HADHA: variants seen among roughly 807,000 people sequenced by gnomAD.
HADHA encodes the protein hydroxyacyl-CoA dehydrogenase trifunctional multienzyme complex subunit alpha, also known as trifunctional enzyme subunit alpha, mitochondrial.
Under a neutral mutation model 91.3 loss-of-function variants are expected in HADHA, and 59 were observed. The ratio of observed to expected loss-of-function variants is 0.65; its 90% CI spans 0.52 to 0.80. HADHA has a LOEUF of 0.80. HADHA is among the 30% of genes least tolerant of loss of function. The pLI is 0.00. For synonymous variants in HADHA, 320 were observed against 338.9 expected, an observed-to-expected ratio of 0.94 and a Z score of 0.61; for missense variants, 800 against 927.6, an observed-to-expected ratio of 0.86 and a Z score of 1.79.
intron 10 of HADHA, 35 bp from the exon 11 acceptor site, chr2:26,209,924 T>C (rs1482998982): frequency 9.3e-7 from 1 of 1,075,342 alleles, no homozygotes; most frequent in Admixed American, 1.7e-5. Context: ...AAGGTAGAAC[T>C]TCACAGTCTA....
chr2:26,213,250 A>G (rs1315139127), intron 9 of HADHA, among the ~76,000 whole-genome samples: 3 of 152,092 alleles, frequency 2.0e-5, no homozygotes, highest in Non-Finnish European at 4.4e-5. Context: ...CTGCTTTCCT[A>G]TTTTTACTAT....
intron 13 of HADHA, 100 bp downstream of exon 13, chr2:26,201,049 A>G: frequency 1.1e-6 from 1 of 905,522 alleles, no homozygotes; most frequent in South Asian, 1.4e-5. Context: ...AGTCCTTTTT[A>G]TAAAAGCAAT....
intron 6 of HADHA, among the ~76,000 whole-genome samples, chr2:26,230,561 T>C (rs1670598862): frequency 6.6e-6 from 1 of 152,158 alleles, no homozygotes; most frequent in African/African-American, 2.4e-5. Flanking sequence ...GGTAAAGAAT[T>C]TCATGTTTCC....
chr2:26,201,036 AAT>A, intron 13 of HADHA, 111 bp downstream of exon 13: 1 of 836,032 alleles, frequency 1.2e-6, no homozygotes, highest in Middle Eastern at 2.2e-4. Flanking sequence ...CCAGCCTTTG[AAT>A]AGTCCTTTTT....
At chr2:26,222,144 G>A (rs1459113452) in intron 7 of HADHA, among the ~76,000 whole-genome samples, 1 of 151,938 alleles carries the variant, frequency 6.6e-6, no homozygotes, top group East Asian at 1.9e-4. Context: ...TAATCTGACT[G>A]GTATCCTTAT....
intron 4 of HADHA, among the ~76,000 whole-genome samples, chr2:26,236,341 G>A (rs1413091039): frequency 9.8e-6 from 1 of 102,508 alleles, no homozygotes; most frequent in African/African-American, 3.3e-5. Context: ...ATCACATGAT[G>A]TGTGTGTGTG....
chr2:26,220,569 T>G (rs1670351028), intron 7 of HADHA, among the ~76,000 whole-genome samples: 1 of 152,246 alleles, frequency 6.6e-6, no homozygotes, highest in African/African-American at 2.4e-5. Context: ...GTACATCTAA[T>G]CAGGTGGCAA....
At chr2:26,225,371 C>G (rs1487292953) in intron 7 of HADHA, among the ~76,000 whole-genome samples, 1 of 142,528 alleles carries the variant, frequency 7.0e-6, no homozygotes, top group East Asian at 2.0e-4. Context: ...ACCACTCCAG[C>G]CTGGCGACAG....
chr2:26,237,100 T>C (rs754057876), intron 3 of HADHA, 112 bp from the exon 4 acceptor site: 9 of 842,190 alleles, frequency 1.1e-5, no homozygotes, highest in Non-Finnish European at 1.9e-5. Context: ...GGCAGAAATA[T>C]ACTGTTAGAA....
chr2:26,190,961 A>C lies in HADHA; in HGVS notation c.*289T>G. The C allele has an allele frequency of 1.9e-6, 1 of 524,140 alleles. No homozygotes were observed. Among genetic ancestry groups the C allele is most frequent in the Non-Finnish European group, 3.5e-6 (1 of 289,082 alleles). The allele number at this position is 524,140 out of a possible 1,614,324, so 32.5% of individuals were successfully genotyped here. On this transcript the variant is annotated 3_prime_UTR_variant, in exon 20 of 20. Coordinates refer to ENST00000380649, the MANE Select transcript of HADHA (RefSeq NM_000182.5). ...TGGCCACCCTGGCCTCTTGGGAGGA[A>C]CAGGCAGAGAGGTGGCTTCAGATGG...
chr2:26,244,084 G>C (rs1436144423), intron 1 of HADHA, among the ~76,000 whole-genome samples: 3 of 152,284 alleles, frequency 2.0e-5, no homozygotes, highest in African/African-American at 7.2e-5. Flanking sequence ...CTGCAAGGCT[G>C]ATTAATCCCA....
chr2:26,194,569 C>A lies in HADHA; in HGVS notation c.1689+1G>T. The A allele has an allele frequency of 1.3e-6, 2 of 1,594,188 alleles. No individual in the cohort carries two copies. ...CAAACACTCTGGAGAGCAATACCAA[C>A]CTGGAGGATTCGGATGACTTCAGAC... On this transcript the variant is annotated splice_donor_variant, in intron 16 of 19. Coordinates refer to ENST00000380649, the MANE Select transcript of HADHA (RefSeq NM_000182.5). LOFTEE classifies it high-confidence loss of function.
intron 7 of HADHA, among the ~76,000 whole-genome samples, chr2:26,226,416 T>C (rs1363291696): frequency 6.6e-6 from 1 of 152,162 alleles, no homozygotes; most frequent in Non-Finnish European, 1.5e-5. Flanking sequence ...TACTGCTTAA[T>C]TTCAGGATTC....
At chr2:26,192,557 C>T (rs186489670) in intron 17 of HADHA, 133 bp from the exon 18 acceptor site, 156 of 701,392 alleles carry the variant, frequency 2.2e-4, no homozygotes, top group African/African-American at 2.1e-3. Flanking sequence ...GAGGCCGAGG[C>T]GGAGGATCAT....
intron 14 of HADHA, among the ~76,000 whole-genome samples, chr2:26,196,165 G>C (rs1669667064): frequency 6.6e-6 from 1 of 152,136 alleles, no homozygotes; most frequent in African/African-American, 2.4e-5. Context: ...AGGAAAAAAG[G>C]TATCAAGAGG....
intron 12 of HADHA, among the ~76,000 whole-genome samples, chr2:26,202,465 G>A (rs1182211382): frequency 6.6e-6 from 1 of 152,206 alleles, no homozygotes; most frequent in Non-Finnish European, 1.5e-5. Context: ...TAAGGGCTGG[G>A]CATGGTGGCT....
intron 7 of HADHA, among the ~76,000 whole-genome samples, chr2:26,228,594 T>C (rs982844082): frequency 9.2e-5 from 14 of 152,350 alleles, no homozygotes; most frequent in African/African-American, 3.4e-4. Context: ...ACTGCTGATA[T>C]ATGCAACAGT....
At chr2:26,195,368 T>G (rs1669638554) in intron 14 of HADHA, 136 bp from the exon 15 acceptor site, 1 of 815,268 alleles carries the variant, frequency 1.2e-6, no homozygotes, top group Non-Finnish European at 2.2e-6. Flanking sequence ...GCTGAGTGGT[T>G]TGGTTCCATG....
intron 4 of HADHA, 134 bp downstream of exon 4, chr2:26,236,721 G>T: frequency 1.4e-6 from 1 of 716,040 alleles, no homozygotes; most frequent in Non-Finnish European, 2.4e-6. Context: ...AGCCTGATAC[G>T]TACATTTTCA....
Sources: gnomAD v4.1 joint callset for allele counts (sites outside exome capture counted in the v4.1 genomes callset) on GRCh38, gnomAD v4.1.1 for gene constraint, MANE v1.5 for transcripts, NCBI Gene and HGNC (gene_info 2026-07-23, HGNC 2026-07-21) for gene names.